AMPH: variants seen among roughly 807,000 people sequenced by gnomAD.
AMPH encodes amphiphysin (Stiff-Mann syndrome with breast cancer 128kD autoantigen).
Under a neutral mutation model 99.1 loss-of-function variants are expected in AMPH, and 49 were observed. The ratio of observed to expected loss-of-function variants is 0.49; its 90% CI spans 0.39 to 0.63. The LOEUF (loss-of-function observed/expected upper bound fraction) is 0.63. AMPH is among the 20% of genes least tolerant of loss of function. AMPH has a pLI of 0.00. For missense variants in AMPH, 759 were observed against 863.4 expected, an observed-to-expected ratio of 0.88 and a Z score of 1.52; for synonymous variants, 314 against 317.3, an observed-to-expected ratio of 0.99 and a Z score of 0.11.
intron 7 of AMPH, among the ~76,000 whole-genome samples, chr7:38,473,365 C>A (rs1787953513): frequency 6.6e-6 from 1 of 151,872 alleles, no homozygotes; most frequent in Non-Finnish European, 1.5e-5. Flanking sequence ...TAAGTAAGGA[C>A]AAAAACAAGT....
At chr7:38,610,566 A>G (rs1195545299) in intron 1 of AMPH, among the ~76,000 whole-genome samples, 1 of 151,860 alleles carries the variant, frequency 6.6e-6, no homozygotes, top group African/African-American at 2.4e-5. Context: ...AGAACTTACT[A>G]TATTCCAGGC....
At chr7:38,589,059 G>A (rs1402539194) in intron 1 of AMPH, among the ~76,000 whole-genome samples, 1 of 152,106 alleles carries the variant, frequency 6.6e-6, no homozygotes, top group African/African-American at 2.4e-5. Context: ...AAGTAGGTGA[G>A]TCCATTCTTT....
intron 1 of AMPH, among the ~76,000 whole-genome samples, chr7:38,559,157 C>A (rs143409114): frequency 0.014 from 2,082 of 152,336 alleles, 28 homozygotes; most frequent in Middle Eastern, 0.037. Context: ...TTGCCAGCTG[C>A]CAGCATTTTG....
chr7:38,537,294 T>G (rs1036537525), intron 1 of AMPH, among the ~76,000 whole-genome samples: 8 of 152,144 alleles, frequency 5.3e-5, no homozygotes, highest in African/African-American at 1.7e-4. Flanking sequence ...ATATTAATAG[T>G]GCCTACTTCA....
rs73358623 is a variant in AMPH at position 38,498,118 on chromosome 7, C to T, written c.206-3591G>A. The stretch of plus-strand genomic sequence containing the variant: ...CCAAACCTGCTTCAACTCCTTTTCT[C>T]AGTTCTCATGAATGCCATCCAGTTG... On this transcript the variant is annotated intron_variant, in intron 3 of 20. Transcript: ENST00000356264. Among the ~76,000 whole-genome samples the T allele has an allele frequency of 8.4e-3, 1,274 of 152,306 alleles. 19 individuals carry two copies. The highest frequency in any genetic ancestry group is 0.027 in the African/African-American group (1,110 of 41,558).
chr7:38,590,328 A>G (rs1792808802), intron 1 of AMPH, among the ~76,000 whole-genome samples: 1 of 152,190 alleles, frequency 6.6e-6, no homozygotes, highest in Admixed American at 6.5e-5. Flanking sequence ...GATCAGGAGC[A>G]CAGCCCACAC....
intron 20 of AMPH, among the ~76,000 whole-genome samples, chr7:38,386,378 A>C (rs13238173): frequency 6.6e-6 from 1 of 152,232 alleles, no homozygotes; most frequent in African/African-American, 2.4e-5. Flanking sequence ...AAGTAGAGTT[A>C]AGCACTTAAA....
chr7:38,498,279 A>T (rs1380969940), intron 3 of AMPH, among the ~76,000 whole-genome samples: 2 of 152,142 alleles, frequency 1.3e-5, no homozygotes, highest in African/African-American at 4.8e-5. Flanking sequence ...ATCACCTACG[A>T]TTTAGATTAG....
intron 1 of AMPH, among the ~76,000 whole-genome samples, chr7:38,560,741 C>T (rs953328159): frequency 6.6e-6 from 1 of 152,128 alleles, no homozygotes; most frequent in Non-Finnish European, 1.5e-5. Flanking sequence ...GAATTGAGTA[C>T]CACTCCTAGG....
intron 1 of AMPH, 112 bp downstream of exon 1, chr7:38,631,171 T>C (rs1794448725): frequency 3.1e-6 from 3 of 971,458 alleles, no homozygotes; most frequent in Non-Finnish European, 3.9e-6. Context: ...CCGGCCCCGC[T>C]CCGCAGCGCG....
chr7:38,422,533 C>T, intron 15 of AMPH, 56 bp from the exon 16 acceptor site: 1 of 1,352,368 alleles, frequency 7.4e-7, no homozygotes, highest in East Asian at 2.3e-5. Flanking sequence ...AAATCAGCTA[C>T]CATCAATTGT....
intron 1 of AMPH, among the ~76,000 whole-genome samples, chr7:38,604,282 T>G (rs781426089): frequency 6.6e-6 from 1 of 152,200 alleles, no homozygotes; most frequent in Non-Finnish European, 1.5e-5. Context: ...AATCATACAT[T>G]GTGCAGGCAG....
At chr7:38,440,850 G>T (rs1296041006) in intron 11 of AMPH, among the ~76,000 whole-genome samples, 2 of 152,010 alleles carry the variant, frequency 1.3e-5, no homozygotes, top group East Asian at 3.9e-4. Flanking sequence ...AAGCAGAAAT[G>T]GAAGGGTTAA....
chr7:38,495,788 T>C (rs1309803173), intron 3 of AMPH, among the ~76,000 whole-genome samples: 1 of 152,186 alleles, frequency 6.6e-6, no homozygotes, highest in East Asian at 1.9e-4. Flanking sequence ...TGCAAAACTA[T>C]GGTTTGCAAC....
At chr7:38,526,318 G>A (rs1790184085) in intron 2 of AMPH, among the ~76,000 whole-genome samples, 1 of 149,460 alleles carries the variant, frequency 6.7e-6, no homozygotes, top group Non-Finnish European at 1.5e-5. Flanking sequence ...CACCCAGGCT[G>A]GACTGCAGTG....
chr7:38,478,055 A>T (rs1485583535), intron 5 of AMPH, among the ~76,000 whole-genome samples: 1 of 125,272 alleles, frequency 8.0e-6, no homozygotes, highest in African/African-American at 3.2e-5. Context: ...CCGGGAAAGG[A>T]TTTAAAACAA....
intron 2 of AMPH, among the ~76,000 whole-genome samples, chr7:38,528,622 T>C (rs1433046425): frequency 6.6e-6 from 1 of 152,194 alleles, no homozygotes; most frequent in Non-Finnish European, 1.5e-5. Context: ...TTTTTTCTTG[T>C]TGTCAGTCCT....
chr7:38,393,875 T>C, intron 18 of AMPH, 130 bp downstream of exon 18: 1 of 792,236 alleles, frequency 1.3e-6, no homozygotes, highest in South Asian at 1.7e-5. Flanking sequence ...AATAATGTTG[T>C]TTGGTGGAGT....
intron 1 of AMPH, among the ~76,000 whole-genome samples, chr7:38,612,882 T>C (rs927872426): frequency 6.6e-6 from 1 of 152,196 alleles, no homozygotes; most frequent in South Asian, 2.1e-4. Flanking sequence ...TTTTATGCCA[T>C]CTATTCTAAA....
Sources: gnomAD v4.1 joint callset for allele counts (sites outside exome capture counted in the v4.1 genomes callset) on GRCh38, gnomAD v4.1.1 for gene constraint, MANE v1.5 for transcripts, NCBI Gene and HGNC (gene_info 2026-07-23, HGNC 2026-07-21) for gene names.